Variants in CDK12 observed in about 807,000 individuals in gnomAD.
CDK12 encodes cyclin dependent kinase 12, also known as cyclin-dependent kinase 12.
CDK12 carries 17 observed loss-of-function variants against 133.8 expected under a neutral mutation model. That is an observed-to-expected ratio of 0.13 (90% confidence interval 0.09 to 0.19). CDK12 has a LOEUF of 0.19. Among genes scored for constraint, CDK12 ranks in the 10% least tolerant of loss-of-function variants. The pLI is 1.00. For missense variants in CDK12, 1,508 were observed against 1,818.7 expected (o/e 0.83, Z 3.11); for synonymous variants, 694 against 683.6 (o/e 1.02, Z -0.24).
chr17:39,545,300 A>G (rs894540647), upstream of CDK12, among the ~76,000 whole-genome samples: 2 of 151,884 alleles, frequency 1.3e-5, no homozygotes, highest in Non-Finnish European at 2.9e-5. Flanking sequence ...GATTTCTCCT[A>G]CCTCATCCTC....
intron 5 of CDK12, among the ~76,000 whole-genome samples, chr17:39,496,912 CTTTTTTTTT>C (rs71147349): frequency 1.6e-4 from 14 of 87,812 alleles, no homozygotes; most frequent in African/African-American, 1.4e-4. Context: ...TTCAGTATAT[CTTTTTTTTT>C]TTTTTTTTTT....
chr17:39,563,146 T>C (rs899638669), intron 3 of CDK12, among the ~76,000 whole-genome samples: 1 of 152,156 alleles, frequency 6.6e-6, no homozygotes, highest in Non-Finnish European at 1.5e-5. Flanking sequence ...TACTGCATTC[T>C]ACTGCGATCC....
At chr17:39,463,225 A>C in intron 1 of CDK12, 108 bp downstream of exon 1, 1 of 948,580 alleles carries the variant, frequency 1.1e-6, no homozygotes, top group South Asian at 1.6e-5. Flanking sequence ...CATTGACTAG[A>C]ACACTTTGCT....
chr17:39,523,456 A>G (rs1307555796), intron 11 of CDK12, among the ~76,000 whole-genome samples: 1 of 152,154 alleles, frequency 6.6e-6, no homozygotes, highest in African/African-American at 2.4e-5. Context: ...AGCCTGGGCA[A>G]CAGAGCAAGA....
At chr17:39,483,192 C>T (rs753546189) in intron 2 of CDK12, among the ~76,000 whole-genome samples, 3 of 152,084 alleles carry the variant, frequency 2.0e-5, no homozygotes, top group Non-Finnish European at 2.9e-5. Context: ...GCATTACAGG[C>T]GTGAGCCACC....
Position 39,526,122 on chromosome 17 carries a change from TGCCTTCA to T in CDK12, c.3569_3575del (p.Pro1190GlnfsTer23). 1 of 1,614,206 alleles carries T rather than the reference TGCCTTCA, an allele frequency of 6.2e-7. No homozygotes were observed. Among genetic ancestry groups the T allele is most frequent in the Non-Finnish European group, 8.5e-7 (1 of 1,180,038 alleles). ...GAAGCACCCTCTGCCCCAGTGATCC[TGCCTTCA>T]GCAGAACAGACGACCCTTGAAGCTT... On this transcript the variant is annotated frameshift_variant, in exon 13 of 14. Transcript: ENST00000447079. LOFTEE classifies it high-confidence loss of function.
At chr17:39,510,220 A>G (rs1336883877) in intron 7 of CDK12, among the ~76,000 whole-genome samples, 1 of 150,582 alleles carries the variant, frequency 6.6e-6, no homozygotes, top group Non-Finnish European at 1.5e-5. Flanking sequence ...CTTGGGTTCA[A>G]GAAATTCTCC....
chr17:39,506,759 A>C (rs1221432292), intron 6 of CDK12, among the ~76,000 whole-genome samples: 1 of 152,194 alleles, frequency 6.6e-6, no homozygotes, highest in Non-Finnish European at 1.5e-5. Flanking sequence ...AGTTCTTCTC[A>C]AAAGGCAAAA....
Position 39,530,891 on chromosome 17 carries a change from G to T in CDK12, c.4048G>T (p.Ala1350Ser). Residue 1350 changes from alanine to serine, a missense_variant, in exon 14 of 14, where the codon GCC (alanine) becomes TCC (serine). Around this residue, in one of 9 missense-constraint regions of CDK12, gnomAD observed 399 missense variants for 469.6 expected, o/e 0.85. Coordinates refer to ENST00000447079, the MANE Select transcript of CDK12 (RefSeq NM_016507.4). ...NTDGPETGFSAIDTDERNSGP... is the reference protein window; with the variant it reads ...NTDGPETGFSSIDTDERNSGP... Reference sequence around the variant, plus strand: ...TGATGGGCCTGAAACAGGGTTCAGTGCCATTGACACTGATGAACGAAACTC... The same window carrying T: ...TGATGGGCCTGAAACAGGGTTCAGTTCCATTGACACTGATGAACGAAACTC... 1.2e-6 allele frequency: 2 copies of T among 1,614,166 alleles called. No individual in the cohort carries two copies. The highest frequency in any genetic ancestry group is 1.7e-6 in the Non-Finnish European group (2 of 1,180,030).
intron 2 of CDK12, among the ~76,000 whole-genome samples, chr17:39,473,739 G>T (rs993445263): frequency 1.2e-4 from 18 of 152,254 alleles, no homozygotes; most frequent in African/African-American, 3.9e-4. Context: ...ACAAAAATTA[G>T]CTGGGCGTGG....
At chr17:39,505,227 CAAAA>C (rs149103539) in intron 6 of CDK12, among the ~76,000 whole-genome samples, 2 of 47,618 alleles carry the variant, frequency 4.2e-5, no homozygotes, top group Admixed American at 2.5e-4. Context: ...GACTCCGTTT[CAAAA>C]AAAAAAAAAA....
intron 2 of CDK12, among the ~76,000 whole-genome samples, chr17:39,552,050 A>G (rs1232375296): frequency 6.6e-6 from 1 of 151,056 alleles, no homozygotes; most frequent in Non-Finnish European, 1.5e-5. Flanking sequence ...TCCCCATTTT[A>G]TATCCCCAAA....
Position 39,534,049 on chromosome 17 carries a change from C to T in CDK12, c.*2733C>T, listed in dbSNP as rs1429799088. On this transcript the variant is annotated 3_prime_UTR_variant, in exon 14 of 14. Coordinates refer to ENST00000447079, the MANE Select transcript of CDK12 (RefSeq NM_016507.4). ...AACAGATGAGAAATCTGATTCTGTTCATGAGTGGGAGGCAAAACTGGTTTG... is the reference window on the plus strand; with the variant it reads ...AACAGATGAGAAATCTGATTCTGTTTATGAGTGGGAGGCAAAACTGGTTTG... 4.3e-6 allele frequency: 1 copy of T among 232,558 alleles called. No homozygotes were observed. Among genetic ancestry groups the T allele is most frequent in the East Asian group, 6.0e-5 (1 of 16,556 alleles). 14.4% of individuals were successfully genotyped at this position (232,558 alleles called of 1,614,324 possible).
chr17:39,535,217 T>C (rs1299704951), downstream of CDK12: 1 of 152,070 alleles, frequency 6.6e-6, no homozygotes, highest in African/African-American at 2.4e-5. Flanking sequence ...TTATGACAAA[T>C]GGGCAGAGGG....
At chr17:39,499,208 CTTTTT>C (rs751699241) in intron 5 of CDK12, among the ~76,000 whole-genome samples, 3 of 12,446 alleles carry the variant, frequency 2.4e-4, no homozygotes, top group East Asian at 2.3e-3. Flanking sequence ...TCTTTCTTTC[CTTTTT>C]TTTTTTTTTT....
intron 2 of CDK12, among the ~76,000 whole-genome samples, chr17:39,488,528 T>C (rs1360947864): frequency 6.6e-6 from 1 of 152,158 alleles, no homozygotes; most frequent in Non-Finnish European, 1.5e-5. Context: ...TTTTTGTAAA[T>C]ATCTTCGGCA....
chr17:39,481,735 T>C (rs1464821449), intron 2 of CDK12, among the ~76,000 whole-genome samples: 4 of 127,768 alleles, frequency 3.1e-5, no homozygotes, highest in East Asian at 4.9e-4. Flanking sequence ...TTTCTTTTTT[T>C]TTTTTGACAA....
chr17:39,503,146 C>T (rs2052848662), intron 6 of CDK12, among the ~76,000 whole-genome samples: 1 of 152,186 alleles, frequency 6.6e-6, no homozygotes, highest in African/African-American at 2.4e-5. Flanking sequence ...GGCAGGATTT[C>T]ACTGCAACCT....
At chr17:39,465,760 G>A (rs976294259) in intron 1 of CDK12, among the ~76,000 whole-genome samples, 1 of 151,994 alleles carries the variant, frequency 6.6e-6, no homozygotes, top group Admixed American at 6.6e-5. Context: ...TAAAGTGCTG[G>A]GATTACAGGC....
Sources: allele counts gnomAD v4.1 joint callset (sites outside exome capture counted in the v4.1 genomes callset), GRCh38; gene constraint gnomAD v4.1.1; regional missense constraint gnomAD v4.1.1; transcripts MANE v1.5; gene names NCBI Gene and HGNC (gene_info 2026-07-23, HGNC 2026-07-21).